Variants in CCDC178 observed in about 807,000 individuals in gnomAD.
The protein encoded by CCDC178 is coiled-coil domain-containing protein 178.
Under a neutral mutation model 117.4 loss-of-function variants are expected in CCDC178, and 126 were observed. The observed-to-expected ratio is 1.07, with a 90% CI of 0.93 to 1.24. The LOEUF (loss-of-function observed/expected upper bound fraction) is 1.24, where lower values mean the gene tolerates loss of function less well. Among genes scored for constraint, CCDC178 ranks in the 50% most tolerant of loss-of-function variants. The pLI, the probability that CCDC178 is intolerant of heterozygous loss-of-function variation, is 0.00. For synonymous variants in CCDC178, 283 were observed against 313.4 expected, an observed-to-expected ratio of 0.90 and a Z score of 1.02; for missense variants, 1,030 against 986.9, an observed-to-expected ratio of 1.04 and a Z score of -0.59.
chr18:33,404,681 A>G (rs879720611), intron 3 of CCDC178, among the ~76,000 whole-genome samples: 2 of 152,114 alleles, frequency 1.3e-5, no homozygotes, highest in Non-Finnish European at 2.9e-5. Flanking sequence ...AGCATTATTC[A>G]TAATATTCCT....
chr18:33,295,918 A>T (rs1568124764), intron 11 of CCDC178, among the ~76,000 whole-genome samples: 1 of 152,198 alleles, frequency 6.6e-6, no homozygotes, highest in Non-Finnish European at 1.5e-5. Context: ...ATCCCAAAAA[A>T]TCACACTTTT....
At chr18:33,268,922 T>C (rs1320930201) in intron 12 of CCDC178, among the ~76,000 whole-genome samples, 2 of 151,856 alleles carry the variant, frequency 1.3e-5, no homozygotes, top group African/African-American at 4.8e-5. Flanking sequence ...AAGAGTGCAC[T>C]TTGTGGTGTT....
chr18:33,162,678 G>A (rs531110579), intron 20 of CCDC178, among the ~76,000 whole-genome samples: 2 of 152,234 alleles, frequency 1.3e-5, no homozygotes, highest in Admixed American at 6.5e-5. Context: ...GTGAGAACAC[G>A]AGGTATTTAG....
chr18:33,269,329 G>C (rs1395850447), intron 12 of CCDC178, among the ~76,000 whole-genome samples: 4 of 151,808 alleles, frequency 2.6e-5, no homozygotes. Context: ...ATAGTACTTT[G>C]TAAAGCTCCA....
In CCDC178 at chr18:33,348,926, T is replaced by TGAAAGA. The variant is rs769086192; in HGVS notation, c.420_421insTCTTTC (p.Thr140_Thr141insSerPhe). On this transcript the variant is annotated inframe_insertion, in exon 8 of 23. Transcript: ENST00000383096. ...CCTGGTTTGACCTCTTTCACTGGTG[T>TGAAAGA]AGTTACACTCCAATCTTCTTTCAGG... is the stretch of plus-strand genomic sequence containing the variant. 25 of 1,610,610 alleles carry TGAAAGA rather than the reference T, an allele frequency of 1.6e-5. No homozygotes were observed. In the African/African-American group the frequency reaches 3.3e-4, roughly 22 times the overall value.
At chr18:33,003,930 T>G (rs1185149515) in intron 21 of CCDC178, among the ~76,000 whole-genome samples, 1 of 151,924 alleles carries the variant, frequency 6.6e-6, no homozygotes, top group Non-Finnish European at 1.5e-5. Flanking sequence ...CCATTTGCAA[T>G]AGATGCAAAT....
chr18:33,358,632 A>T (rs1006242252), intron 6 of CCDC178, among the ~76,000 whole-genome samples: 1 of 151,906 alleles, frequency 6.6e-6, no homozygotes, highest in Non-Finnish European at 1.5e-5. Flanking sequence ...AAAGAAATCA[A>T]TTTCACATTA....
chr18:33,150,205 T>C (rs2058325119), intron 20 of CCDC178, among the ~76,000 whole-genome samples: 1 of 152,038 alleles, frequency 6.6e-6, no homozygotes, highest in Non-Finnish European at 1.5e-5. Flanking sequence ...TAAAACTGGA[T>C]CACCATCTCC....
At chr18:33,193,532 A>T (rs1432377730) in intron 20 of CCDC178, among the ~76,000 whole-genome samples, 1 of 152,178 alleles carries the variant, frequency 6.6e-6, no homozygotes. Context: ...CTAACTCCAC[A>T]TTGTACAAAA....
intron 21 of CCDC178, among the ~76,000 whole-genome samples, chr18:33,065,218 T>C (rs1031270629): frequency 1.3e-5 from 2 of 152,114 alleles, no homozygotes; most frequent in Admixed American, 1.3e-4. Flanking sequence ...CAGTAAGATA[T>C]GGTGTACTAC....
At chr18:33,173,899 A>C (rs1333096055) in intron 20 of CCDC178, among the ~76,000 whole-genome samples, 1 of 152,212 alleles carries the variant, frequency 6.6e-6, no homozygotes, top group Non-Finnish European at 1.5e-5. Context: ...AAAAGCGCTT[A>C]TCATGGCTAA....
chr18:33,251,710 T>A (rs2059620257), intron 14 of CCDC178, among the ~76,000 whole-genome samples: 1 of 151,734 alleles, frequency 6.6e-6, no homozygotes, highest in Non-Finnish European at 1.5e-5. Context: ...GGTATTCAAG[T>A]AACTGTGGGC....
intron 22 of CCDC178, among the ~76,000 whole-genome samples, chr18:32,955,504 A>T (rs1388609120): frequency 6.6e-6 from 1 of 152,068 alleles, no homozygotes; most frequent in African/African-American, 2.4e-5. Context: ...TCTATCATAG[A>T]CTAGAATTTT....
intron 21 of CCDC178, among the ~76,000 whole-genome samples, chr18:33,061,706 G>A (rs370942065): frequency 1.3e-5 from 2 of 152,138 alleles, no homozygotes; most frequent in South Asian, 4.2e-4. Flanking sequence ...CAAATTCATA[G>A]ATGCATAGAT....
intron 3 of CCDC178, 42 bp downstream of exon 3, chr18:33,411,989 T>C: frequency 9.9e-7 from 1 of 1,009,348 alleles, no homozygotes; most frequent in African/African-American, 1.6e-5. Flanking sequence ...TCCATTTATC[T>C]ATGAACTATT....
chr18:33,429,378 G>A (rs1320396725), intron 2 of CCDC178, among the ~76,000 whole-genome samples: 1 of 151,202 alleles, frequency 6.6e-6, no homozygotes, highest in East Asian at 1.9e-4. Context: ...GAGACAGACA[G>A]AGAGAGAGAG....
chr18:33,158,184 T>C (rs2058423335), intron 20 of CCDC178, among the ~76,000 whole-genome samples: 2 of 152,182 alleles, frequency 1.3e-5, no homozygotes, highest in Non-Finnish European at 1.5e-5. Flanking sequence ...ACTTTCCTAA[T>C]ATTATTTCTG....
chr18:32,993,382 A>G (rs1598764746), intron 21 of CCDC178, among the ~76,000 whole-genome samples: 1 of 152,190 alleles, frequency 6.6e-6, no homozygotes, highest in Non-Finnish European at 1.5e-5. Context: ...TACTATGGCA[A>G]TGACCCGACA....
chr18:33,068,068 G>C (rs1386042519), intron 21 of CCDC178, among the ~76,000 whole-genome samples: 3 of 151,924 alleles, frequency 2.0e-5, no homozygotes, highest in Non-Finnish European at 4.4e-5. Flanking sequence ...GGAAAATCTA[G>C]AGAAAATGAA....
Sources: allele counts gnomAD v4.1 joint callset (sites outside exome capture counted in the v4.1 genomes callset), GRCh38; gene constraint gnomAD v4.1.1; transcripts MANE v1.5; gene names NCBI Gene and HGNC (gene_info 2026-07-23, HGNC 2026-07-21).